PRKCB: variants seen among roughly 807,000 people sequenced by gnomAD.
The protein encoded by PRKCB is protein kinase C beta type.
PRKCB carries 13 observed loss-of-function variants against 81.5 expected under a neutral mutation model. The ratio of observed to expected loss-of-function variants is 0.16; its 90% CI spans 0.10 to 0.25. PRKCB has a LOEUF of 0.25. Ranked by LOEUF, PRKCB falls within the 10% of genes least tolerant of loss-of-function variation. The pLI, the probability that PRKCB is intolerant of heterozygous loss-of-function variation, is 1.00. For missense variants in PRKCB, 509 were observed against 875.7 expected (o/e 0.58, Z 5.29); for synonymous variants, 335 against 321.4 (o/e 1.04, Z -0.45).
chr16:24,181,771 CAAAAAAA>C (rs71154286), intron 13 of PRKCB, among the ~76,000 whole-genome samples: 2 of 24,566 alleles, frequency 8.1e-5, no homozygotes, highest in Non-Finnish European at 1.3e-4. Flanking sequence ...GACCCTGTCT[CAAAAAAA>C]AAAAAAAAAA....
At chr16:24,000,096 C>G (rs1469252342) in intron 3 of PRKCB, among the ~76,000 whole-genome samples, 2 of 152,198 alleles carry the variant, frequency 1.3e-5, no homozygotes, top group African/African-American at 2.4e-5. Context: ...TCCTAAAAAG[C>G]TAGTCTCTGG....
chr16:23,928,969 G>A lies in PRKCB; in HGVS notation c.206-59539G>A, dbSNP rs183763462. Among the ~76,000 whole-genome samples, 224 of 152,124 alleles carry A rather than the reference G, an allele frequency of 1.5e-3. 3 individuals carry two copies. Among genetic ancestry groups the A allele is most frequent in the African/African-American group, 5.0e-3 (209 of 41,520 alleles). ...CCTGACCTCGTGATCCGCCCGCCTC[G>A]GCATCCCAAAGTGTTGGGATTACAG... is the stretch of plus-strand genomic sequence containing the variant. On this transcript the variant is annotated intron_variant, in intron 2 of 16. Coordinates refer to ENST00000643927, the MANE Select transcript of PRKCB (RefSeq NM_002738.7).
At chr16:24,091,400 C>T (rs992030481) in intron 5 of PRKCB, among the ~76,000 whole-genome samples, 2 of 151,886 alleles carry the variant, frequency 1.3e-5, no homozygotes, top group Middle Eastern at 3.2e-3. Context: ...GTGGATTGTT[C>T]TACTGTAAGT....
chr16:24,181,200 G>C (rs745461844), intron 13 of PRKCB, among the ~76,000 whole-genome samples: 31 of 152,116 alleles, frequency 2.0e-4, no homozygotes, highest in Admixed American at 5.9e-4. Flanking sequence ...AAAATTCTTC[G>C]TCAAACTGTT....
intron 16 of PRKCB, among the ~76,000 whole-genome samples, chr16:24,199,061 G>A (rs774750908): frequency 5.3e-5 from 8 of 152,110 alleles, no homozygotes; most frequent in Non-Finnish European, 1.2e-4. Flanking sequence ...ATAATTTTGA[G>A]GCATCTGGAC....
In PRKCB at chr16:24,092,814, C is replaced by T; in HGVS notation, c.553C>T (p.Pro185Ser). 1 of 1,613,990 alleles carries T rather than the reference C, an allele frequency of 6.2e-7. No individual in the cohort carries two copies. The highest frequency in any genetic ancestry group is 8.5e-7 in the Non-Finnish European group (1 of 1,179,952). ...AGTAAGAGATGCTAAAAACCTTGTA[C>T]CTATGGACCCCAATGGCCTGTCAGA... ...VLVRDAKNLV[P>S]MDPNGLSDPY... The change falls in exon 6 of 17, where the codon CCT (proline) becomes TCT (serine). Residue 185 changes from proline to serine, a missense_variant. This residue lies in a region of PRKCB where 184 missense variants were observed against 362.9 expected (regional missense o/e 0.51). Coordinates refer to ENST00000643927, the MANE Select transcript of PRKCB (RefSeq NM_002738.7).
rs116607299 is a variant in PRKCB, at chr16:23,908,339, G to A, written c.205+70933G>A. 6.0e-3 allele frequency among the ~76,000 whole-genome samples: 906 copies of A among 152,126 alleles called. 13 individuals carry two copies. The highest frequency in any genetic ancestry group is 0.02 in the African/African-American group (826 of 41,472). ...TAGTGGGTGAATGGGGGTTTTATAG[G>A]CCAGGCAGAGAATATGGGGAGGGCA... On this transcript the variant is annotated intron_variant, in intron 2 of 16. Transcript: ENST00000643927.
intron 2 of PRKCB, among the ~76,000 whole-genome samples, chr16:23,940,261 T>G (rs1964123484): frequency 6.6e-6 from 1 of 152,146 alleles, no homozygotes; most frequent in African/African-American, 2.4e-5. Context: ...GAATGGGAAC[T>G]GCAGTAGCCA....
In PRKCB at chr16:24,154,710, A is replaced by G. The variant is rs1567394474; in HGVS notation, c.1092A>G (p.Thr364=). 2 of 1,614,178 alleles carry G rather than the reference A, an allele frequency of 1.2e-6. No homozygotes were observed. The highest frequency in any genetic ancestry group is 1.7e-6 in the Non-Finnish European group (2 of 1,179,996). Reference sequence around the variant, plus strand: ...TCATGCTTTCAGAACGAAAAGGCACAGATGAGCTCTATGCTGTGAAGATCC... The same window carrying G: ...TCATGCTTTCAGAACGAAAAGGCACGGATGAGCTCTATGCTGTGAAGATCC... ...GKVMLSERKG[T]DELYAVKILK... is the part of the protein sequence containing the mutation. The change falls in exon 10 of 17, where the codon ACA becomes ACG. Residue 364 remains threonine (T), a synonymous_variant. Coordinates refer to ENST00000643927, the MANE Select transcript of PRKCB (RefSeq NM_002738.7).
At chr16:23,839,375 G>C (rs1962227456) in intron 2 of PRKCB, among the ~76,000 whole-genome samples, 1 of 150,168 alleles carries the variant, frequency 6.7e-6, no homozygotes, top group African/African-American at 2.5e-5. Flanking sequence ...ATGGGCTCAA[G>C]TGATCCTCCT....
At chr16:24,125,342 T>G (rs539842787) in intron 9 of PRKCB, among the ~76,000 whole-genome samples, 1 of 152,274 alleles carries the variant, frequency 6.6e-6, no homozygotes, top group East Asian at 1.9e-4. Context: ...GTGACTTCCT[T>G]TCTTCTTTCT....
chr16:23,914,385 C>G (rs1356788571), intron 2 of PRKCB, among the ~76,000 whole-genome samples: 1 of 152,118 alleles, frequency 6.6e-6, no homozygotes, highest in African/African-American at 2.4e-5. Flanking sequence ...GGTTCCTTTT[C>G]TCATTAGCTA....
At chr16:23,878,048 G>A (rs1018487163) in intron 2 of PRKCB, among the ~76,000 whole-genome samples, 2 of 152,044 alleles carry the variant, frequency 1.3e-5, no homozygotes, top group Non-Finnish European at 2.9e-5. Context: ...TGGCCAGGCC[G>A]GTCTTGAACT....
At chr16:24,140,618 T>A (rs1056632208) in intron 9 of PRKCB, among the ~76,000 whole-genome samples, 6 of 151,712 alleles carry the variant, frequency 4.0e-5, no homozygotes, top group Non-Finnish European at 7.4e-5. Context: ...CTGGGTGGGG[T>A]CGCAGGACTG....
At chr16:24,048,825 T>C (rs1965798884) in intron 5 of PRKCB, among the ~76,000 whole-genome samples, 1 of 152,134 alleles carries the variant, frequency 6.6e-6, no homozygotes, top group Admixed American at 6.5e-5. Context: ...TGGCTTTTGC[T>C]AGGAACTCTA....
chr16:24,035,247 A>G (rs3785383), intron 4 of PRKCB, among the ~76,000 whole-genome samples, 172 bp from the exon 5 acceptor site: 88,360 of 151,910 alleles, frequency 0.58, 25,983 homozygotes, highest in South Asian at 0.68. Context: ...AAGAGTTGGA[A>G]AAGCCCTTCT....
In PRKCB at chr16:23,859,257, C is replaced by G. The variant is rs1045545703; in HGVS notation, c.205+21851C>G. 7.9e-5 allele frequency among the ~76,000 whole-genome samples: 12 copies of G among 152,236 alleles called. 1 individual carries two copies. The highest frequency in any genetic ancestry group is 4.6e-4 in the Admixed American group (7 of 15,284). On this transcript the variant is annotated intron_variant, in intron 2 of 16. Transcript: ENST00000643927. The stretch of plus-strand genomic sequence containing the variant: ...TGAAGGTCCAGGTTCAGCTACTCCA[C>G]CAGTATCCCTGGTCAGTCTTTGGCC...
chr16:24,215,160 CATCCAATCTGTGGATA>C lies in PRKCB; in HGVS notation c.*347_*362del, dbSNP rs1482527629. Reference sequence around the variant, plus strand: ...CTGCACTGCCATATTCACCCCCAACCATCCAATCTGTGGATAATTGGATGTTAGCGGTACTCTTCCA... The same window carrying C: ...CTGCACTGCCATATTCACCCCCAACCATTGGATGTTAGCGGTACTCTTCCA... On this transcript the variant is annotated 3_prime_UTR_variant, in exon 17 of 17. Coordinates refer to ENST00000643927, the MANE Select transcript of PRKCB (RefSeq NM_002738.7). 9.5e-6 allele frequency: 10 copies of C among 1,053,996 alleles called. No individual in the cohort carries two copies. In the African/African-American group the frequency reaches 1.7e-4, roughly 18 times the overall value. The allele number at this position is 1,053,996 out of a possible 1,614,324, so 65.3% of individuals were successfully genotyped here.
At chr16:24,000,341 G>A (rs1965015482) in intron 3 of PRKCB, among the ~76,000 whole-genome samples, 2 of 152,166 alleles carry the variant, frequency 1.3e-5, no homozygotes, top group Admixed American at 1.3e-4. Context: ...ATCGCCAGTG[G>A]ACTTAACCAC....
Sources: allele counts gnomAD v4.1 joint callset (sites outside exome capture counted in the v4.1 genomes callset), GRCh38; gene constraint gnomAD v4.1.1; regional missense constraint gnomAD v4.1.1; transcripts MANE v1.5; gene names NCBI Gene and HGNC (gene_info 2026-07-23, HGNC 2026-07-21).